ERBB4: variants seen among roughly 807,000 people sequenced by gnomAD.
ERBB4 encodes erb-b2 receptor tyrosine kinase 4, also known as receptor tyrosine-protein kinase erbB-4.
In ERBB4, 42 loss-of-function variants were observed where a neutral mutation model predicts 158.0. The observed-to-expected ratio is 0.27, with a 90% CI of 0.21 to 0.34. The LOEUF is 0.34. Among genes scored for constraint, ERBB4 ranks in the 10% least tolerant of loss-of-function variants. The probability of loss-of-function intolerance (pLI) is 1.00; values close to 1 mark genes in which losing one functional copy is unlikely to be tolerated. For missense variants in ERBB4, 1,333 were observed against 1,624.1 expected, an observed-to-expected ratio of 0.82 and a Z score of 3.08; for synonymous variants, 583 against 558.7, an observed-to-expected ratio of 1.04 and a Z score of -0.61.
At position 212,191,238 on chromosome 2, in the gene ERBB4, G is replaced by C. The variant is rs943608734; in HGVS notation, c.83-66335C>G. Among the ~76,000 whole-genome samples the C allele has an allele frequency of 2.0e-5, 3 of 152,158 alleles. No homozygotes were observed. In the South Asian group the frequency reaches 6.2e-4, roughly 32 times the overall value. On this transcript the variant is annotated intron_variant, in intron 1 of 27. Coordinates refer to ENST00000342788, the MANE Select transcript of ERBB4 (RefSeq NM_005235.3). ...CCCCTTTTTCTGATTCTGTGGGTCTGCTCAAGAATTTGCATTTCTAACCAT... is the reference window on the plus strand; with the variant it reads ...CCCCTTTTTCTGATTCTGTGGGTCTCCTCAAGAATTTGCATTTCTAACCAT...
At chr2:211,428,703 A>G (rs1406012430) in intron 21 of ERBB4, among the ~76,000 whole-genome samples, 1 of 152,030 alleles carries the variant, frequency 6.6e-6, no homozygotes, top group East Asian at 1.9e-4. Flanking sequence ...AAGATGTACT[A>G]TACTTATTCA....
chr2:212,326,582 G>A (rs937996027), intron 1 of ERBB4, among the ~76,000 whole-genome samples: 2 of 150,664 alleles, frequency 1.3e-5, no homozygotes, highest in East Asian at 1.9e-4. Context: ...TCATATCACA[G>A]TGATGGGTAT....
chr2:211,535,761 C>T (rs1043983365), intron 20 of ERBB4: 3 of 152,524 alleles, frequency 2.0e-5, no homozygotes, highest in Non-Finnish European at 4.4e-5. Context: ...ATCTGGATTA[C>T]TAAAATCATA....
At position 211,564,260 on chromosome 2, in the gene ERBB4, T is replaced by G. The variant is rs186555899; in HGVS notation, c.2302-2172A>C. 4.6e-3 allele frequency among the ~76,000 whole-genome samples: 697 copies of G among 151,672 alleles called. 8 individuals carry two copies. Among genetic ancestry groups the G allele is most frequent in the African/African-American group, 0.016 (672 of 41,354 alleles). ...ATGTATAACACCAAAGGCTGAGGAG[T>G]AGTAGTATTACAAACCTCCCTAAAC... On this transcript the variant is annotated intron_variant, in intron 19 of 27. Coordinates refer to ENST00000342788, the MANE Select transcript of ERBB4 (RefSeq NM_005235.3).
chr2:212,101,864 G>A (rs957063834), intron 2 of ERBB4, among the ~76,000 whole-genome samples: 6 of 151,548 alleles, frequency 4.0e-5, no homozygotes, highest in South Asian at 2.1e-4. Flanking sequence ...CCTGTCTACC[G>A]TCAACACAGA....
chr2:212,476,332 T>C (rs920372759), intron 1 of ERBB4, among the ~76,000 whole-genome samples: 1 of 152,184 alleles, frequency 6.6e-6, no homozygotes, highest in African/African-American at 2.4e-5. Context: ...ATCACTAGTA[T>C]ACCTAGCAGA....
At chr2:212,289,400 T>C (rs1215947451) in intron 1 of ERBB4, among the ~76,000 whole-genome samples, 1 of 152,160 alleles carries the variant, frequency 6.6e-6, no homozygotes. Flanking sequence ...ATTAGAATGA[T>C]TCATGAGAAA....
At chr2:211,586,209 A>G (rs1048688928) in intron 19 of ERBB4, among the ~76,000 whole-genome samples, 5 of 152,210 alleles carry the variant, frequency 3.3e-5, no homozygotes, top group Non-Finnish European at 7.3e-5. Flanking sequence ...ATAGTTATGC[A>G]CATTACATAT....
rs1338122910 is a variant in ERBB4 at position 212,538,631 on chromosome 2, G to A, written c.-101C>T. 1.6e-6 allele frequency: 2 copies of A among 1,247,834 alleles called. No individual in the cohort carries two copies. The highest frequency in any genetic ancestry group is 2.3e-6 in the Non-Finnish European group (2 of 859,470). The allele number at this position is 1,247,834 out of a possible 1,614,324, so 77.3% of individuals were successfully genotyped here. On this transcript the variant is annotated 5_prime_UTR_variant, in exon 1 of 28. Coordinates refer to ENST00000342788, the MANE Select transcript of ERBB4 (RefSeq NM_005235.3). ...GATCCCCCAGCCGGGCGCGCGTGGG[G>A]GTGCGAGGGGGGCGGGCGCGGCGCG...
chr2:211,710,289 C>T (rs145024346), intron 9 of ERBB4, among the ~76,000 whole-genome samples: 11 of 151,984 alleles, frequency 7.2e-5, no homozygotes, highest in Non-Finnish European at 1.2e-4. Flanking sequence ...GGTGAAAGCA[C>T]GCAATGTGAG....
intron 19 of ERBB4, among the ~76,000 whole-genome samples, chr2:211,583,617 C>T (rs7585825): frequency 0.72 from 109,046 of 151,380 alleles, 41,827 homozygotes; most frequent in East Asian, 0.86. Flanking sequence ...ATTTAAGGTA[C>T]AGCACTTTGT....
chr2:212,538,436 A>G lies in ERBB4; in HGVS notation c.82+13T>C, dbSNP rs1201483893. On this transcript the variant is annotated intron_variant, in intron 1 of 27. Coordinates refer to ENST00000342788, the MANE Select transcript of ERBB4 (RefSeq NM_005235.3). ...CTGCAGGTTCGGCGACCGGAGTGCC[A>G]GAAGGAACCCACCTGACTGAGAATC... 1.2e-6 allele frequency: 2 copies of G among 1,613,414 alleles called. No individual in the cohort carries two copies. The highest frequency in any genetic ancestry group is 2.2e-5 in the East Asian group (1 of 44,840).
intron 2 of ERBB4, among the ~76,000 whole-genome samples, chr2:212,006,423 T>C (rs2076261473): frequency 6.6e-6 from 1 of 152,128 alleles, no homozygotes; most frequent in Non-Finnish European, 1.5e-5. Context: ...TGTTCAAGCA[T>C]ATAATTATAT....
intron 20 of ERBB4, chr2:211,535,845 T>C (rs972037199): frequency 1.3e-5 from 2 of 152,066 alleles, no homozygotes; most frequent in African/African-American, 4.8e-5. Flanking sequence ...TTAAAAAACA[T>C]TGAAATATTT....
intron 20 of ERBB4, among the ~76,000 whole-genome samples, chr2:211,507,118 A>G (rs1259415470): frequency 6.6e-6 from 1 of 152,164 alleles, no homozygotes; most frequent in East Asian, 1.9e-4. Context: ...GATGAAATGG[A>G]TGAATTTCTG....
intron 20 of ERBB4, among the ~76,000 whole-genome samples, chr2:211,513,367 A>C (rs1019572220): frequency 7.0e-4 from 97 of 138,114 alleles, no homozygotes; most frequent in African/African-American, 2.6e-3. Flanking sequence ...CAAAAAAAAA[A>C]AAAAAAAAAC....
intron 1 of ERBB4, among the ~76,000 whole-genome samples, chr2:212,384,867 G>T (rs1003757147): frequency 7.4e-6 from 1 of 134,730 alleles, no homozygotes; most frequent in African/African-American, 2.8e-5. Context: ...TAGAATTGTT[G>T]TTCTTAAATT....
At chr2:212,244,900 GA>G (rs2084254776) in intron 1 of ERBB4, among the ~76,000 whole-genome samples, 1 of 152,054 alleles carries the variant, frequency 6.6e-6, no homozygotes, top group Non-Finnish European at 1.5e-5. Context: ...TCTTACAAGT[GA>G]TTTACATGTA....
chr2:212,067,937 C>G (rs1322597366), intron 2 of ERBB4, among the ~76,000 whole-genome samples: 1 of 151,924 alleles, frequency 6.6e-6, no homozygotes, highest in Non-Finnish European at 1.5e-5. Context: ...GACACTTGTA[C>G]AAAAATAAAT....
Sources: allele counts gnomAD v4.1 joint callset (sites outside exome capture counted in the v4.1 genomes callset), GRCh38; gene constraint gnomAD v4.1.1; transcripts MANE v1.5; gene names NCBI Gene and HGNC (gene_info 2026-07-23, HGNC 2026-07-21).